NOS1: variants seen among roughly 807,000 people sequenced by gnomAD.
The protein encoded by NOS1 is NOS type I.
Under a neutral mutation model 164.5 loss-of-function variants are expected in NOS1, and 51 were observed. That is an observed-to-expected ratio of 0.31 (90% confidence interval 0.25 to 0.39). NOS1 has a LOEUF of 0.39. NOS1 is among the 10% of genes least tolerant of loss of function. NOS1 has a pLI of 1.00. For synonymous variants in NOS1, 719 were observed against 745.8 expected (o/e 0.96, Z 0.59); for missense variants, 1,362 against 1,885.6 (o/e 0.72, Z 5.14).
chr12:117,329,477 C>T (rs1232382390), intron 2 of NOS1, among the ~76,000 whole-genome samples: 2 of 152,054 alleles, frequency 1.3e-5, no homozygotes, highest in South Asian at 2.1e-4. Flanking sequence ...TACCTAGACC[C>T]ACCCTGGCAG....
At chr12:117,357,526 G>A (rs1490390256) in intron 1 of NOS1, among the ~76,000 whole-genome samples, 1 of 152,234 alleles carries the variant, frequency 6.6e-6, no homozygotes, top group African/African-American at 2.4e-5. Flanking sequence ...TTCTATCCCA[G>A]CTTTGGCAGT....
At chr12:117,238,191 A>G (rs553763993) in intron 20 of NOS1, among the ~76,000 whole-genome samples, 1 of 152,210 alleles carries the variant, frequency 6.6e-6, no homozygotes, top group East Asian at 1.9e-4. Flanking sequence ...GGAGACCATC[A>G]GGGGCTGTGA....
Position 117,330,549 on chromosome 12 carries a change from T to G in NOS1, c.521A>C (p.His174Pro), listed in dbSNP as rs769933208. ...DDGQEAGSLPHANGLAPRPPG... is the reference protein window; with the variant it reads ...DDGQEAGSLPPANGLAPRPPG... ...GGGCCTGGGGGCCAGGCCGTTGGCA[T>G]GGGGGAGTGAGCCAGCCTCCTGCCC... Residue 174 changes from histidine (H) to proline (P), a missense_variant, in exon 2 of 29, where the codon CAT (histidine) becomes CCT (proline). His to Pro is a moderately conservative substitution (Grantham distance 77, BLOSUM62 -2). Transcript: ENST00000317775. This position sits in a 1 kb window ranked among gnomAD's most constrained non-coding sequence, Gnocchi z 4.6. The G allele has an allele frequency of 1.2e-6, 2 of 1,613,636 alleles. No individual in the cohort carries two copies. The highest frequency in any genetic ancestry group is 1.7e-6 in the Non-Finnish European group (2 of 1,179,970).
Position 117,265,829 on chromosome 12 carries a change from C to T in NOS1, c.1942-319G>A, listed in dbSNP as rs191200080. Among the ~76,000 whole-genome samples the T allele has an allele frequency of 8.6e-5, 13 of 151,862 alleles. No homozygotes were observed. In the East Asian group the frequency reaches 2.5e-3, roughly 29 times the overall value. The stretch of plus-strand genomic sequence containing the variant: ...TTTTTGAGACGGAGTCTTGCTCTAT[C>T]ACCCAGGCTGGAGTGCAGTGGCGCG... On this transcript the variant is annotated intron_variant, in intron 11 of 28. Transcript: ENST00000317775.
chr12:117,301,348 C>G (rs1873800716), intron 3 of NOS1, among the ~76,000 whole-genome samples: 1 of 152,166 alleles, frequency 6.6e-6, no homozygotes, highest in Non-Finnish European at 1.5e-5. Context: ...AGGCTGGTCT[C>G]AAATTCCCGA....
chr12:117,325,587 G>T (rs924967014), intron 2 of NOS1, among the ~76,000 whole-genome samples: 1 of 152,114 alleles, frequency 6.6e-6, no homozygotes, highest in Non-Finnish European at 1.5e-5. Flanking sequence ...TTATATTCCC[G>T]GGCTGAGATC....
chr12:117,346,327 C>G (rs964663933), intron 1 of NOS1, among the ~76,000 whole-genome samples: 4 of 152,080 alleles, frequency 2.6e-5, no homozygotes, highest in Non-Finnish European at 5.9e-5. Flanking sequence ...AAAAATTAGC[C>G]AGGCGTGGTG....
At chr12:117,227,406 A>G (rs1281871279) in intron 23 of NOS1, 25 bp downstream of exon 23, 6 of 1,610,722 alleles carry the variant, frequency 3.7e-6, no homozygotes, top group Admixed American at 1.7e-5. Context: ...GCAGCTGAGG[A>G]GGCTCTCCCA....
chr12:117,290,541 A>G (rs1872980109), intron 3 of NOS1, 115 bp from the exon 4 acceptor site: 1 of 1,260,234 alleles, frequency 7.9e-7, no homozygotes, highest in Non-Finnish European at 1.1e-6. Context: ...TGAGTGACCA[A>G]CTGTCTACAT....
rs774872144 is a variant in NOS1, at chr12:117,265,336, T to G, written c.2116A>C (p.Thr706Pro). The G allele has an allele frequency of 1.3e-6, 2 of 1,545,904 alleles. No individual in the cohort carries two copies. Among genetic ancestry groups the G allele is most frequent in the East Asian group, 2.4e-5 (1 of 42,496 alleles). The change falls in exon 12 of 29, where the codon ACC (threonine) becomes CCC (proline). Residue 706 changes from threonine (T) to proline (P), a missense_variant. Coordinates refer to ENST00000317775, the MANE Select transcript of NOS1 (RefSeq NM_000620.5). ...AGGACCTGGTATTCGAAGGAGGGGG[T>G]GAGCCGGTAGTTGAGCATCTCCTGG... is the stretch of plus-strand genomic sequence containing the variant. Reference protein sequence around the residue: ...FHQEMLNYRLTPSFEYQPDPW... With the variant: ...FHQEMLNYRLPPSFEYQPDPW...
At chr12:117,271,095 G>T (rs1872756511) in intron 10 of NOS1, among the ~76,000 whole-genome samples, 2 of 152,128 alleles carry the variant, frequency 1.3e-5, no homozygotes, top group African/African-American at 2.4e-5. Context: ...TTGCATCAGT[G>T]GTTGTCCAGA....
At chr12:117,354,635 A>G (rs537690975) in intron 1 of NOS1, among the ~76,000 whole-genome samples, 172 of 152,336 alleles carry the variant, frequency 1.1e-3, no homozygotes, top group Non-Finnish European at 2.0e-3. Flanking sequence ...GAAATGACAT[A>G]GAGCCCAATG....
chr12:117,223,009 G>T, intron 25 of NOS1, 146 bp from the exon 26 acceptor site: 1 of 848,718 alleles, frequency 1.2e-6, no homozygotes. Context: ...ATGTATGCGT[G>T]CACACACATG....
In NOS1 at chr12:117,280,712, G is replaced by C. The variant is rs758803805; in HGVS notation, c.1524+13C>G. On this transcript the variant is annotated intron_variant, in intron 8 of 28. Transcript: ENST00000317775. The stretch of plus-strand genomic sequence containing the variant: ...CCATGTTGGGGCAGGGTAGGGGGCG[G>C]AAACGCTCGCACCTCTGTGAACTGC... The C allele has an allele frequency of 2.5e-6, 4 of 1,610,628 alleles. No individual in the cohort carries two copies. The highest frequency in any genetic ancestry group is 3.4e-6 in the Non-Finnish European group (4 of 1,177,618).
chr12:117,346,850 A>C (rs1193797779), intron 1 of NOS1, among the ~76,000 whole-genome samples: 1 of 152,226 alleles, frequency 6.6e-6, no homozygotes, highest in African/African-American at 2.4e-5. Context: ...CTGCACAAAA[A>C]ATGCTTCAGA....
intron 2 of NOS1, among the ~76,000 whole-genome samples, chr12:117,328,469 G>A (rs866252660): frequency 6.6e-6 from 1 of 152,126 alleles, no homozygotes; most frequent in African/African-American, 2.4e-5. Flanking sequence ...TTGCCTGGCG[G>A]TATTTAAATG....
Position 117,234,476 on chromosome 12 carries a change from G to T in NOS1, c.3235+89C>A. ...AGACACCCACTCTCCTGCCTGGACTGGTGATTGGGAAGAAAAGGTATCTTC... is the reference window on the plus strand; with the variant it reads ...AGACACCCACTCTCCTGCCTGGACTTGTGATTGGGAAGAAAAGGTATCTTC... On this transcript the variant is annotated intron_variant, in intron 21 of 28. Transcript: ENST00000317775. This position sits in a 1 kb window ranked among gnomAD's most constrained non-coding sequence, Gnocchi z 4.3. 7.3e-7 allele frequency: 1 copy of T among 1,364,500 alleles called. No homozygotes were observed. Among genetic ancestry groups the T allele is most frequent in the Non-Finnish European group, 1.0e-6 (1 of 984,872 alleles). 84.5% of individuals were successfully genotyped at this position (1,364,500 alleles called of 1,614,324 possible). A position where few individuals can be genotyped will look rare whatever the true frequency, so the allele number is the denominator to read the frequency against.
chr12:117,234,553 C>G lies in NOS1; in HGVS notation c.3235+12G>C, dbSNP rs781756897. 2 of 1,607,644 alleles carry G rather than the reference C, an allele frequency of 1.2e-6. No individual in the cohort carries two copies. Among genetic ancestry groups the G allele is most frequent in the Middle Eastern group, 1.7e-4 (1 of 5,942 alleles). ...GCTCCCTAGAGCAGGGAAGGGTCCC[C>G]GGGAATGTTACCTAAAGCCGTGTTC... On this transcript the variant is annotated intron_variant, in intron 21 of 28. Transcript: ENST00000317775. The surrounding 1 kb of genome is among the most constrained non-coding windows in gnomAD (Gnocchi z 4.3).
intron 1 of NOS1, among the ~76,000 whole-genome samples, chr12:117,336,199 T>G (rs1875812385): frequency 6.6e-6 from 1 of 152,210 alleles, no homozygotes; most frequent in East Asian, 1.9e-4. Flanking sequence ...TCATATTTGA[T>G]TGCCCCATTT....
Sources: allele counts gnomAD v4.1 joint callset (sites outside exome capture counted in the v4.1 genomes callset), GRCh38; gene constraint gnomAD v4.1.1; non-coding constraint Gnocchi (gnomAD v3.1); transcripts MANE v1.5; gene names NCBI Gene and HGNC (gene_info 2026-07-23, HGNC 2026-07-21).